Variants in KIF13A observed in about 807,000 individuals in gnomAD.
KIF13A encodes kinesin family member 13A.
Under a neutral mutation model 212.2 loss-of-function variants are expected in KIF13A, and 79 were observed. The ratio of observed to expected loss-of-function variants is 0.37; its 90% CI spans 0.31 to 0.45. The LOEUF is 0.45. Ranked by LOEUF, KIF13A falls within the 20% of genes least tolerant of loss-of-function variation. KIF13A has a pLI of 1.00. For synonymous variants in KIF13A, 789 were observed against 808.6 expected (o/e 0.98, Z 0.41); for missense variants, 1,901 against 2,209.0 (o/e 0.86, Z 2.79).
chr6:17,761,595 C>A (rs1230587825), downstream of KIF13A, among the ~76,000 whole-genome samples: 1 of 152,138 alleles, frequency 6.6e-6, no homozygotes, highest in Non-Finnish European at 1.5e-5. Flanking sequence ...GTTGGTCAGG[C>A]TGGTCTCAAA....
chr6:17,898,761 C>T lies in KIF13A; in HGVS notation c.147-581G>A, dbSNP rs890405793. On this transcript the variant is annotated intron_variant, in intron 2 of 38. Coordinates refer to ENST00000259711, the MANE Select transcript of KIF13A (RefSeq NM_022113.6). The surrounding 1 kb of genome is among the most constrained non-coding windows in gnomAD (Gnocchi z 5.2). ...TCAGCCACACACGCACTTGTTAAAA[C>T]GTTTGTTTTACACGTTAATAACTCA... 4.6e-5 allele frequency among the ~76,000 whole-genome samples: 7 copies of T among 152,118 alleles called. No homozygotes were observed. Among genetic ancestry groups the T allele is most frequent in the African/African-American group, 1.7e-4 (7 of 41,426 alleles).
chr6:17,860,623 G>GA (rs558223184), intron 4 of KIF13A, among the ~76,000 whole-genome samples: 136 of 151,526 alleles, frequency 9.0e-4, no homozygotes, highest in Non-Finnish European at 1.4e-3. Context: ...GCTGTTTTCA[G>GA]AAAAATGTAT....
Position 17,837,216 on chromosome 6 carries a change from G to C in KIF13A, c.943-126C>G. The C allele has an allele frequency of 3.5e-6, 3 of 861,004 alleles. No homozygotes were observed. Among genetic ancestry groups the C allele is most frequent in the Non-Finnish European group, 5.5e-6 (3 of 542,268 alleles). 53.3% of individuals were successfully genotyped at this position (861,004 alleles called of 1,614,324 possible). On this transcript the variant is annotated intron_variant, in intron 10 of 38. Transcript: ENST00000259711. The surrounding 1 kb of genome is among the most constrained non-coding windows in gnomAD (Gnocchi z 5.4). ...GGAAACATTATGTGGAAATGGACTT[G>C]CATTTCACAAATAACGTCATGACAA...
rs1762304098 is a variant in KIF13A at position 17,799,474 on chromosome 6, G to A, written c.2617-35C>T. On this transcript the variant is annotated intron_variant, in intron 21 of 38. Coordinates refer to ENST00000259711, the MANE Select transcript of KIF13A (RefSeq NM_022113.6). The surrounding 1 kb of genome is among the most constrained non-coding windows in gnomAD (Gnocchi z 4.4). The stretch of plus-strand genomic sequence containing the variant: ...TAAACAATACAAATAAAACTCCAAT[G>A]AACACTAAACATTCTTTCATTTCAG... 6.9e-7 allele frequency: 1 copy of A among 1,439,496 alleles called. No individual in the cohort carries two copies. Among genetic ancestry groups the A allele is most frequent in the East Asian group, 2.5e-5 (1 of 39,746 alleles). 89.2% of individuals were successfully genotyped at this position (1,439,496 alleles called of 1,614,324 possible). A position where few individuals can be genotyped will look rare whatever the true frequency, so the allele number is the denominator to read the frequency against.
In KIF13A at chr6:17,769,137, G is replaced by A. The variant is rs1418677605; in HGVS notation, c.4581+1977C>T. 3.9e-5 allele frequency among the ~76,000 whole-genome samples: 6 copies of A among 152,186 alleles called. No individual in the cohort carries two copies. The highest frequency in any genetic ancestry group is 9.7e-5 in the African/African-American group (4 of 41,438). On this transcript the variant is annotated intron_variant, in intron 38 of 38. Coordinates refer to ENST00000259711, the MANE Select transcript of KIF13A (RefSeq NM_022113.6). The surrounding 1 kb of genome is among the most constrained non-coding windows in gnomAD (Gnocchi z 5.8). ...GTTCAAGAGTGGAAGAGAAAAGAAC[G>A]TGAATTAGTCACAAAGGAAGAAAAC... is the stretch of plus-strand genomic sequence containing the variant.
chr6:17,761,697 G>A (rs1758593903), downstream of KIF13A, among the ~76,000 whole-genome samples: 1 of 152,060 alleles, frequency 6.6e-6, no homozygotes, highest in Non-Finnish European at 1.5e-5. Flanking sequence ...ACTCTTTAAA[G>A]GAGAAAAATC....
chr6:17,767,009 A>G (rs965720000), intron 38 of KIF13A, among the ~76,000 whole-genome samples: 1 of 152,212 alleles, frequency 6.6e-6, no homozygotes, highest in Non-Finnish European at 1.5e-5. Flanking sequence ...TCAAAGGTGA[A>G]TATCAAATAT....
In KIF13A at chr6:17,914,590, T is replaced by C. The variant is rs1774342309; in HGVS notation, c.147-16410A>G. Among the ~76,000 whole-genome samples, 1 of 152,194 alleles carries C rather than the reference T, an allele frequency of 6.6e-6. No individual in the cohort carries two copies. Among genetic ancestry groups the C allele is most frequent in the Admixed American group, 6.5e-5 (1 of 15,278 alleles). On this transcript the variant is annotated intron_variant, in intron 2 of 38. Coordinates refer to ENST00000259711, the MANE Select transcript of KIF13A (RefSeq NM_022113.6). The surrounding 1 kb of genome is among the most constrained non-coding windows in gnomAD (Gnocchi z 5.9). ...CCAATAACGGATCCTCAGCCCTTTTTTCAAATGTCCTTCTGAAAAACAACA... is the reference window on the plus strand; with the variant it reads ...CCAATAACGGATCCTCAGCCCTTTTCTCAAATGTCCTTCTGAAAAACAACA...
chr6:17,937,257 C>G (rs896409354), intron 2 of KIF13A, among the ~76,000 whole-genome samples: 3 of 152,194 alleles, frequency 2.0e-5, no homozygotes, highest in African/African-American at 7.2e-5. Context: ...AAGTGGAGAA[C>G]AGCAACCAAC....
chr6:17,959,645 A>G (rs1202229441), intron 2 of KIF13A, among the ~76,000 whole-genome samples: 6 of 152,258 alleles, frequency 3.9e-5, no homozygotes, highest in African/African-American at 1.2e-4. Flanking sequence ...ATTATTTTCA[A>G]TTATATTTCC....
intron 2 of KIF13A, among the ~76,000 whole-genome samples, chr6:17,905,165 A>T (rs1215441655): frequency 6.6e-6 from 1 of 152,220 alleles, no homozygotes; most frequent in African/African-American, 2.4e-5. Context: ...AGCTATCATT[A>T]GTATTAGTGT....
Position 17,987,035 on chromosome 6 carries a change from C to T in KIF13A, c.146+19G>A. 1 of 1,601,784 alleles carries T rather than the reference C, an allele frequency of 6.2e-7. No homozygotes were observed. Among genetic ancestry groups the T allele is most frequent in the Non-Finnish European group, 8.6e-7 (1 of 1,168,854 alleles). ...GCGAGGCTGGATCCTCCCAGCCGCCCTCTCGGAACCCGCTTTACCTTTCTC... is the reference window on the plus strand; with the variant it reads ...GCGAGGCTGGATCCTCCCAGCCGCCTTCTCGGAACCCGCTTTACCTTTCTC... On this transcript the variant is annotated intron_variant, in intron 2 of 38. Coordinates refer to ENST00000259711, the MANE Select transcript of KIF13A (RefSeq NM_022113.6). The surrounding 1 kb of genome is among the most constrained non-coding windows in gnomAD (Gnocchi z 7.7).
At position 17,965,362 on chromosome 6, in the gene KIF13A, T is replaced by A. The variant is rs1213821943; in HGVS notation, c.146+21692A>T. 3.9e-5 allele frequency among the ~76,000 whole-genome samples: 6 copies of A among 152,232 alleles called. No homozygotes were observed. The East Asian group carries it at 1.2e-3, about 29-fold the overall frequency. ...TCTAGAACTTTACTAAGAATAGTAT[T>A]CAAATATGAAATATCATAGGTAGAG... On this transcript the variant is annotated intron_variant, in intron 2 of 38. Coordinates refer to ENST00000259711, the MANE Select transcript of KIF13A (RefSeq NM_022113.6).
At chr6:17,781,609 G>C (rs1760587018) in intron 29 of KIF13A, among the ~76,000 whole-genome samples, 1 of 147,596 alleles carries the variant, frequency 6.8e-6, no homozygotes, top group Non-Finnish European at 1.5e-5. Context: ...ACAGGGGTGA[G>C]CCACTGTACT....
intron 31 of KIF13A, 56 bp from the exon 32 acceptor site, chr6:17,779,740 G>GT (rs201272106): frequency 0.05 from 23,706 of 471,260 alleles, 681 homozygotes; most frequent in East Asian, 0.075. Flanking sequence ...AAGTTATTTT[G>GT]TATTTTTTTT....
chr6:17,821,357 C>T (rs1764417674), intron 16 of KIF13A, among the ~76,000 whole-genome samples: 1 of 152,056 alleles, frequency 6.6e-6, no homozygotes, highest in Non-Finnish European at 1.5e-5. Flanking sequence ...TTAATCTTAC[C>T]TATTACTGGG....
chr6:17,785,618 G>A lies in KIF13A; in HGVS notation c.3385C>T (p.Arg1129Trp). The change falls in exon 28 of 39, where the codon CGG becomes TGG. Residue 1129 changes from arginine (R) to tryptophan (W), a missense_variant. By Grantham distance (101) the Arg-to-Trp change is moderately radical. Around this residue, in one of 5 missense-constraint regions of KIF13A, gnomAD observed 168 missense variants for 250.9 expected, o/e 0.67. Coordinates refer to ENST00000259711, the MANE Select transcript of KIF13A (RefSeq NM_022113.6). This position sits in a 1 kb window ranked among gnomAD's most constrained non-coding sequence, Gnocchi z 5.8. ...CACTGCTCCACAAGCTGGGCTTCCC[G>A]CTCCACATCGTCCTCTGTTTTCTCT... ...KTEKTEDDVE[R>W]EAQLVEQWVG... The A allele has an allele frequency of 1.6e-5, 25 of 1,605,518 alleles. No homozygotes were observed. Among genetic ancestry groups the A allele is most frequent in the Non-Finnish European group, 1.9e-5 (22 of 1,176,248 alleles).
At chr6:17,793,364 G>A (rs1366860186) in intron 25 of KIF13A, among the ~76,000 whole-genome samples, 1 of 152,050 alleles carries the variant, frequency 6.6e-6, no homozygotes, top group Admixed American at 6.6e-5. Context: ...TTACAGGCAT[G>A]AGCAACCGCG....
Position 17,849,368 on chromosome 6 carries a change from C to A in KIF13A, c.830+9G>T, listed in dbSNP as rs1206913935. 1.9e-6 allele frequency: 3 copies of A among 1,599,452 alleles called. No individual in the cohort carries two copies. The highest frequency in any genetic ancestry group is 2.7e-5 in the African/African-American group (2 of 74,638). On this transcript the variant is annotated intron_variant, in intron 9 of 38. Transcript: ENST00000259711. The surrounding 1 kb of genome is among the most constrained non-coding windows in gnomAD (Gnocchi z 5.7). ...ATCACCCAGGCTGTTCTGGGACCAG[C>A]CACCTTACTTGTTAATGTTGCTGCC... is the stretch of plus-strand genomic sequence containing the variant.
Sources: gnomAD v4.1 joint callset for allele counts (sites outside exome capture counted in the v4.1 genomes callset) on GRCh38, gnomAD v4.1.1 for gene constraint, gnomAD v4.1.1 regional missense constraint, Gnocchi (gnomAD v3.1) non-coding constraint, MANE v1.5 for transcripts, NCBI Gene and HGNC (gene_info 2026-07-23, HGNC 2026-07-21) for gene names.